AFF3: variants seen among roughly 807,000 people sequenced by gnomAD.
AFF3 encodes ALF transcription elongation factor 3, also known as AF4/FMR2 family member 3.
AFF3 carries 32 observed loss-of-function variants against 129.7 expected under a neutral mutation model. The observed-to-expected ratio is 0.25, with a 90% confidence interval of 0.19 to 0.33. The LOEUF (loss-of-function observed/expected upper bound fraction) is 0.33, where lower values mean the gene tolerates loss of function less well. Among genes scored for constraint, AFF3 ranks in the 10% least tolerant of loss-of-function variants. The pLI is 1.00. For missense variants in AFF3, 1,373 were observed against 1,592.0 expected (o/e 0.86, Z 2.34); for synonymous variants, 644 against 635.4 (o/e 1.01, Z -0.20).
At chr2:99,744,348 G>T (rs927698663) in intron 9 of AFF3, among the ~76,000 whole-genome samples, 2 of 152,022 alleles carry the variant, frequency 1.3e-5, no homozygotes, top group Non-Finnish European at 2.9e-5. Flanking sequence ...TTTTTCTTTT[G>T]TATTAATGAC....
chr2:100,104,750 G>A, intron 3 of AFF3: 2 of 861,544 alleles, frequency 2.3e-6, no homozygotes, highest in Non-Finnish European at 2.7e-6. Context: ...CCCCGGCCCT[G>A]CGCCCGCCCC....
At chr2:99,967,010 A>G (rs536378459) in intron 7 of AFF3, among the ~76,000 whole-genome samples, 13 of 152,242 alleles carry the variant, frequency 8.5e-5, no homozygotes, top group African/African-American at 3.1e-4. Flanking sequence ...AAATGTTTAT[A>G]TTCATAAGTT....
At chr2:99,925,980 C>G (rs1033281279) in intron 7 of AFF3, among the ~76,000 whole-genome samples, 6 of 152,162 alleles carry the variant, frequency 3.9e-5, no homozygotes, top group Non-Finnish European at 7.3e-5. Context: ...ACTGTGTAGT[C>G]TTTGCAGGCA....
At chr2:99,681,452 C>A (rs780593552) in intron 11 of AFF3, among the ~76,000 whole-genome samples, 13 of 152,304 alleles carry the variant, frequency 8.5e-5, no homozygotes, top group Non-Finnish European at 1.8e-4. Context: ...GGACTTCTGA[C>A]AAGCTGCTAT....
rs1161250367 is a variant in AFF3, at chr2:100,007,175, G to T, written c.460C>A (p.Pro154Thr). Residue 154 changes from proline to threonine, a missense_variant, in exon 6 of 25, where the codon CCA becomes ACA. Coordinates refer to ENST00000672756, the MANE Select transcript of AFF3 (RefSeq NM_001386135.1). ...GTMGWQKAGH[P>T]PSDGQQRATQ... ...GCTCTCTGTTGGCCGTCAGAGGGTG[G>T]GTGCCCAGCCTTCTGCCAGCCCATA... The T allele has an allele frequency of 6.2e-7, 1 of 1,614,146 alleles. No homozygotes were observed. The highest frequency in any genetic ancestry group is 1.1e-5 in the South Asian group (1 of 91,066).
chr2:99,837,952 G>A (rs937230472), intron 7 of AFF3, among the ~76,000 whole-genome samples: 6 of 152,146 alleles, frequency 3.9e-5, no homozygotes, highest in East Asian at 3.9e-4. Flanking sequence ...TGGTTGCTAC[G>A]GCTTAAGTAA....
chr2:99,892,608 T>G (rs1209886000), intron 7 of AFF3, among the ~76,000 whole-genome samples: 3 of 152,166 alleles, frequency 2.0e-5, no homozygotes, highest in Non-Finnish European at 4.4e-5. Flanking sequence ...CAAAGGGCCC[T>G]GCCTGCATCA....
chr2:99,696,399 TA>T (rs1192343004), intron 11 of AFF3, among the ~76,000 whole-genome samples: 1 of 152,220 alleles, frequency 6.6e-6, no homozygotes, highest in Non-Finnish European at 1.5e-5. Flanking sequence ...CTAACACTTC[TA>T]TTACTCAAAC....
chr2:99,864,710 AG>A, intron 7 of AFF3, among the ~76,000 whole-genome samples: 1 of 152,242 alleles, frequency 6.6e-6, no homozygotes, highest in Non-Finnish European at 1.5e-5. Context: ...AGCCAATGCC[AG>A]GGAACACTGC....
chr2:100,128,081 A>G (rs1007483673), intron 2 of AFF3, among the ~76,000 whole-genome samples: 1 of 152,178 alleles, frequency 6.6e-6, no homozygotes, highest in Non-Finnish European at 1.5e-5. Context: ...TGCCATGGCA[A>G]CATCAGGAAG....
chr2:99,866,986 A>AATT, intron 7 of AFF3, among the ~76,000 whole-genome samples: 2 of 107,376 alleles, frequency 1.9e-5, no homozygotes, highest in African/African-American at 7.0e-5. Context: ...TAATAATAAT[A>AATT]ATAATAATAA....
At chr2:99,751,798 A>G (rs1215619175) in intron 9 of AFF3, among the ~76,000 whole-genome samples, 1 of 152,218 alleles carries the variant, frequency 6.6e-6, no homozygotes, top group Non-Finnish European at 1.5e-5. Context: ...CTTAAGCTTT[A>G]AAAAAGATAT....
Position 99,576,713 on chromosome 2 carries a change from C to T in AFF3, c.2918+1614G>A, listed in dbSNP as rs144336440. Among the ~76,000 whole-genome samples, 16 of 152,206 alleles carry T rather than the reference C, an allele frequency of 1.1e-4. No homozygotes were observed. The East Asian group carries it at 3.1e-3, about 29-fold the overall frequency. ...CTGCAAGTATGCGGTGGTGTGAGTACCTCAGGGTCTAATGCTCCTTCTGTT... is the reference window on the plus strand; with the variant it reads ...CTGCAAGTATGCGGTGGTGTGAGTATCTCAGGGTCTAATGCTCCTTCTGTT... On this transcript the variant is annotated intron_variant, in intron 18 of 24. Coordinates refer to ENST00000672756, the MANE Select transcript of AFF3 (RefSeq NM_001386135.1).
At chr2:100,018,751 C>G (rs1428107148) in intron 4 of AFF3, among the ~76,000 whole-genome samples, 1 of 151,934 alleles carries the variant, frequency 6.6e-6, no homozygotes, top group Non-Finnish European at 1.5e-5. Context: ...GTAACTTAAC[C>G]AAATGAGACC....
At chr2:99,574,911 G>A (rs1220082035) in intron 18 of AFF3, among the ~76,000 whole-genome samples, 3 of 152,250 alleles carry the variant, frequency 2.0e-5, no homozygotes, top group Non-Finnish European at 4.4e-5. Context: ...TCGGTGAAGA[G>A]AAGTCAAGGG....
intron 18 of AFF3, among the ~76,000 whole-genome samples, chr2:99,574,587 A>G (rs1676815858): frequency 6.6e-6 from 1 of 152,242 alleles, no homozygotes; most frequent in Admixed American, 6.5e-5. Context: ...TTTATAATTC[A>G]GCTGGGTTCA....
chr2:99,844,093 G>C (rs912924574), intron 7 of AFF3, among the ~76,000 whole-genome samples: 1 of 151,912 alleles, frequency 6.6e-6, no homozygotes, highest in East Asian at 1.9e-4. Flanking sequence ...AAACTTCTGC[G>C]TTTTACTGAA....
intron 14 of AFF3, among the ~76,000 whole-genome samples, chr2:99,595,461 G>T (rs776426561): frequency 1.3e-4 from 20 of 152,112 alleles, no homozygotes; most frequent in Non-Finnish European, 2.8e-4. Context: ...ACACTGCTTA[G>T]CTCCATACTT....
chr2:99,875,963 C>G (rs1483076434), intron 7 of AFF3, among the ~76,000 whole-genome samples: 1 of 152,156 alleles, frequency 6.6e-6, no homozygotes, highest in African/African-American at 2.4e-5. Flanking sequence ...CTCTAAGCAG[C>G]ACTTGACAGA....
Sources: gnomAD v4.1 joint callset for allele counts (sites outside exome capture counted in the v4.1 genomes callset) on GRCh38, gnomAD v4.1.1 for gene constraint, MANE v1.5 for transcripts, NCBI Gene and HGNC (gene_info 2026-07-23, HGNC 2026-07-21) for gene names.